SSR1: variants seen among roughly 807,000 people sequenced by gnomAD.
SSR1 encodes the protein translocon-associated protein subunit alpha.
SSR1 carries 13 observed loss-of-function variants against 36.1 expected under a neutral mutation model. The ratio of observed to expected loss-of-function variants is 0.36; its 90% confidence interval spans 0.23 to 0.57. The LOEUF is 0.57. Among genes scored for constraint, SSR1 ranks in the 20% least tolerant of loss-of-function variants. SSR1 has a pLI of 0.81. For synonymous variants in SSR1, 113 were observed against 118.9 expected, an observed-to-expected ratio of 0.95 and a Z score of 0.32; for missense variants, 291 against 338.5, an observed-to-expected ratio of 0.86 and a Z score of 1.10.
At chr6:7,309,599 T>A (rs1332153635) in intron 2 of SSR1, among the ~76,000 whole-genome samples, 1 of 152,222 alleles carries the variant, frequency 6.6e-6, no homozygotes, top group Non-Finnish European at 1.5e-5. Flanking sequence ...GGTAAATGAA[T>A]CACGGGGACG....
At position 7,301,252 on chromosome 6, in the gene SSR1, A is replaced by C. The variant is rs912892604; in HGVS notation, c.543+58T>G. ...ATGAACAGATATATTCTATTAAACA[A>C]CGTCACCGCCCCCATCCATCTCTAA... On this transcript the variant is annotated intron_variant, in intron 4 of 7. Coordinates refer to ENST00000244763, the MANE Select transcript of SSR1 (RefSeq NM_003144.5). 8.9e-6 allele frequency: 14 copies of C among 1,568,152 alleles called. No homozygotes were observed. The African/African-American group carries it at 1.9e-4, about 21-fold the overall frequency.
intron 2 of SSR1, among the ~76,000 whole-genome samples, chr6:7,306,653 A>C (rs1369170139): frequency 6.6e-6 from 1 of 151,052 alleles, no homozygotes; most frequent in East Asian, 2.0e-4. Flanking sequence ...GCAGTGGCTC[A>C]TGCCTGTAAT....
Position 7,310,638 on chromosome 6 carries a change from C to G in SSR1, c.80-609G>C, listed in dbSNP as rs545189003. On this transcript the variant is annotated intron_variant, in intron 1 of 7. Transcript: ENST00000244763. The stretch of plus-strand genomic sequence containing the variant: ...AAGAAAACAGCATTCTTGGCCGGCG[C>G]GGTGGCTCACGCCTGTAATCCCAGC... 5.3e-4 allele frequency among the ~76,000 whole-genome samples: 80 copies of G among 152,312 alleles called. 1 individual carries two copies. In the South Asian group the frequency reaches 0.017, roughly 32 times the overall value.
At chr6:7,312,427 C>G (rs1174518813) in intron 1 of SSR1, among the ~76,000 whole-genome samples, 2 of 152,096 alleles carry the variant, frequency 1.3e-5, no homozygotes, top group Non-Finnish European at 2.9e-5. Context: ...GGGCGGATAA[C>G]GGGGGTGACG....
chr6:7,286,110 GGT>G lies in SSR1; in HGVS notation c.*3752_*3753del, dbSNP rs1175531308. Reference sequence around the variant, plus strand: ...CCTTCCTTCAGTGAGCTGTCGTAAAGGTGTGTGATATGATGACTAGAAAACAA... The same window carrying G: ...CCTTCCTTCAGTGAGCTGTCGTAAAGGTGTGATATGATGACTAGAAAACAA... On this transcript the variant is annotated 3_prime_UTR_variant, in exon 8 of 8. Transcript: ENST00000244763. 1.3e-5 allele frequency: 2 copies of G among 152,148 alleles called. No homozygotes were observed. The highest frequency in any genetic ancestry group is 2.9e-5 in the Non-Finnish European group (2 of 68,022). 9.4% of individuals were successfully genotyped at this position (152,148 alleles called of 1,614,324 possible).
rs568926826 is a variant in SSR1, at chr6:7,284,436, T to A, written c.*5428A>T. ...TACTATGTAGCTTACATATTCAGAA[T>A]TTACCTACTACCCCACCACATCAAA... On this transcript the variant is annotated 3_prime_UTR_variant, in exon 8 of 8. Coordinates refer to ENST00000244763, the MANE Select transcript of SSR1 (RefSeq NM_003144.5). The A allele has an allele frequency of 6.6e-6, 1 of 152,326 alleles. No individual in the cohort carries two copies. The highest frequency in any genetic ancestry group is 2.4e-5 in the African/African-American group (1 of 41,588). The allele number at this position is 152,326 out of a possible 1,614,324, so 9.4% of individuals were successfully genotyped here.
At chr6:7,310,071 A>T in intron 1 of SSR1, 42 bp from the exon 2 acceptor site, 2 of 1,523,452 alleles carry the variant, frequency 1.3e-6, no homozygotes, top group Non-Finnish European at 1.8e-6. Context: ...CTTTACTCTG[A>T]AATACTAATT....
intron 5 of SSR1, chr6:7,298,504 G>A: frequency 4.5e-6 from 2 of 444,170 alleles, no homozygotes; most frequent in East Asian, 3.5e-5. Flanking sequence ...TTAGATGAGA[G>A]GAAGGACAGA....
At chr6:7,303,138 T>TTAA (rs1554133492) in intron 3 of SSR1, among the ~76,000 whole-genome samples, 3 of 42,918 alleles carry the variant, frequency 7.0e-5, no homozygotes, top group Non-Finnish European at 1.1e-4. Flanking sequence ...GACTACATCT[T>TTAA]AAAAAAAAAA....
intron 7 of SSR1, among the ~76,000 whole-genome samples, chr6:7,293,693 T>C (rs578195223): frequency 1.3e-5 from 2 of 152,214 alleles, no homozygotes; most frequent in East Asian, 3.9e-4. Flanking sequence ...GGATTACAGG[T>C]GTGAACCACC....
In SSR1 at chr6:7,289,579, G is replaced by C; in HGVS notation, c.*285C>G. The stretch of plus-strand genomic sequence containing the variant: ...ATTATATTTAGTATTCTAAAGACTT[G>C]TTTCAGGTAGTTCAACAATGATTCT... On this transcript the variant is annotated 3_prime_UTR_variant, in exon 8 of 8. Coordinates refer to ENST00000244763, the MANE Select transcript of SSR1 (RefSeq NM_003144.5). 1 of 423,562 alleles carries C rather than the reference G, an allele frequency of 2.4e-6. No individual in the cohort carries two copies. The highest frequency in any genetic ancestry group is 4.2e-6 in the Non-Finnish European group (1 of 240,224). 26.2% of individuals were successfully genotyped at this position (423,562 alleles called of 1,614,324 possible).
chr6:7,305,654 G>A (rs1758037913), intron 2 of SSR1, among the ~76,000 whole-genome samples: 1 of 152,236 alleles, frequency 6.6e-6, no homozygotes, highest in South Asian at 2.1e-4. Context: ...ATGAACACAG[G>A]TGGAAGGGTT....
At chr6:7,306,244 G>A (rs1758049923) in intron 2 of SSR1, among the ~76,000 whole-genome samples, 1 of 152,084 alleles carries the variant, frequency 6.6e-6, no homozygotes, top group African/African-American at 2.4e-5. Flanking sequence ...CCAGGTTCAC[G>A]CCATTCTCCT....
intron 2 of SSR1, among the ~76,000 whole-genome samples, chr6:7,306,334 A>G (rs923465960): frequency 1.3e-5 from 2 of 151,794 alleles, no homozygotes; most frequent in Non-Finnish European, 2.9e-5. Flanking sequence ...TAGTAGAGAC[A>G]GGGTTTCACC....
intron 5 of SSR1, chr6:7,298,534 A>G (rs1757852484): frequency 5.9e-6 from 3 of 509,424 alleles, no homozygotes; most frequent in Non-Finnish European, 1.0e-5. Flanking sequence ...CTAACTTTTA[A>G]AGAGATTCTT....
At chr6:7,300,115 A>G (rs1038567082) in intron 4 of SSR1, among the ~76,000 whole-genome samples, 1 of 152,234 alleles carries the variant, frequency 6.6e-6, no homozygotes, top group African/African-American at 2.4e-5. Context: ...AGAGTTAAGT[A>G]ATAACTGTAA....
At chr6:7,306,625 A>C (rs1334125208) in intron 2 of SSR1, among the ~76,000 whole-genome samples, 4 of 152,010 alleles carry the variant, frequency 2.6e-5, no homozygotes, top group Non-Finnish European at 5.9e-5. Flanking sequence ...AGAAAAGCCC[A>C]AGGTGACTAG....
chr6:7,295,248 A>G (rs1483198110), intron 7 of SSR1, 144 bp downstream of exon 7: 1 of 1,075,758 alleles, frequency 9.3e-7, no homozygotes, highest in Non-Finnish European at 1.3e-6. Flanking sequence ...GGTCTTAATT[A>G]ATCACTATAC....
chr6:7,282,047 G>A lies in SSR1; in HGVS notation c.*7817C>T, dbSNP rs1757430071. 1 of 152,480 alleles carries A rather than the reference G, an allele frequency of 6.6e-6. No individual in the cohort carries two copies. The highest frequency in any genetic ancestry group is 6.5e-5 in the Admixed American group (1 of 15,280). 9.4% of individuals were successfully genotyped at this position (152,480 alleles called of 1,614,324 possible). A position where few individuals can be genotyped will look rare whatever the true frequency, so the allele number is the denominator to read the frequency against. ...TGAGGAGCAGGGTCAAAGAAATGAA[G>A]GTGAATTTGGGGGGTGGTGGTCAAT... On this transcript the variant is annotated 3_prime_UTR_variant, in exon 8 of 8. Transcript: ENST00000244763.
Sources: allele counts gnomAD v4.1 joint callset (sites outside exome capture counted in the v4.1 genomes callset), GRCh38; gene constraint gnomAD v4.1.1; transcripts MANE v1.5; gene names NCBI Gene and HGNC (gene_info 2026-07-23, HGNC 2026-07-21).